The following LSAMP variants were observed in gnomAD, a reference collection of about 807,000 sequenced individuals.
The protein encoded by LSAMP is limbic system associated membrane protein, also known as limbic system-associated membrane protein.
A neutral mutation model predicts 38.6 loss-of-function variants in LSAMP; 7 were observed. The ratio of observed to expected loss-of-function variants is 0.18; its 90% CI spans 0.10 to 0.34. The LOEUF (loss-of-function observed/expected upper bound fraction) is 0.34. LSAMP is among the 10% of genes least tolerant of loss of function. The pLI, the probability that LSAMP is intolerant of heterozygous loss-of-function variation, is 1.00. For synonymous variants in LSAMP, 154 were observed against 166.8 expected (o/e 0.92, Z 0.59); for missense variants, 313 against 420.0 (o/e 0.75, Z 2.23).
At chr3:116,077,899 TC>T (rs1389391576) in intron 2 of LSAMP, among the ~76,000 whole-genome samples, 2 of 152,224 alleles carry the variant, frequency 1.3e-5, no homozygotes, top group Non-Finnish European at 2.9e-5. Context: ...CCCAATGTCG[TC>T]CTATTATTAG....
chr3:116,335,536 T>C (rs1360649897), intron 1 of LSAMP, among the ~76,000 whole-genome samples: 1 of 152,014 alleles, frequency 6.6e-6, no homozygotes, highest in Non-Finnish European at 1.5e-5. Context: ...TGGAATAGAA[T>C]AGAGAGCCCA....
At chr3:116,239,965 T>A (rs965383930) in intron 1 of LSAMP, among the ~76,000 whole-genome samples, 1 of 152,202 alleles carries the variant, frequency 6.6e-6, no homozygotes, top group Non-Finnish European at 1.5e-5. Context: ...CATTTAGCTG[T>A]CAATGGTTTC....
chr3:115,866,665 C>T (rs998379097), intron 3 of LSAMP, among the ~76,000 whole-genome samples: 2 of 152,016 alleles, frequency 1.3e-5, no homozygotes, highest in Non-Finnish European at 1.5e-5. Context: ...ATTCTGAGCT[C>T]TCTTACCCCA....
intron 1 of LSAMP, among the ~76,000 whole-genome samples, chr3:116,294,903 T>C (rs2047310408): frequency 6.6e-6 from 1 of 151,924 alleles, no homozygotes. Flanking sequence ...GCATTTATAC[T>C]GACTGCAAGC....
At chr3:116,032,062 G>C (rs191461913) in intron 2 of LSAMP, among the ~76,000 whole-genome samples, 2 of 152,206 alleles carry the variant, frequency 1.3e-5, no homozygotes, top group Non-Finnish European at 2.9e-5. Context: ...TTGGGATGGG[G>C]ATAGGGGAGA....
chr3:116,341,503 A>G (rs757603580), intron 1 of LSAMP, among the ~76,000 whole-genome samples: 1 of 152,062 alleles, frequency 6.6e-6, no homozygotes, highest in African/African-American at 2.4e-5. Context: ...CAGAGAGGAT[A>G]GTAATATGAC....
intron 1 of LSAMP, among the ~76,000 whole-genome samples, chr3:116,166,694 A>T (rs546919349): frequency 6.6e-6 from 1 of 152,262 alleles, no homozygotes; most frequent in East Asian, 1.9e-4. Flanking sequence ...ATATACATTT[A>T]GAATCCATTT....
chr3:115,824,984 C>A (rs1934362251), intron 6 of LSAMP, among the ~76,000 whole-genome samples: 1 of 152,148 alleles, frequency 6.6e-6, no homozygotes, highest in Non-Finnish European at 1.5e-5. Flanking sequence ...AATTTCTGAT[C>A]TATTTTTGAA....
intron 1 of LSAMP, among the ~76,000 whole-genome samples, chr3:116,246,698 C>T (rs116065603): frequency 1.6e-3 from 236 of 152,230 alleles, no homozygotes; most frequent in African/African-American, 5.6e-3. Context: ...AAGGGGAGGG[C>T]GTGTCATCCT....
At chr3:115,823,228 G>A (rs1357311368) in intron 6 of LSAMP, among the ~76,000 whole-genome samples, 2 of 152,222 alleles carry the variant, frequency 1.3e-5, no homozygotes, top group African/African-American at 4.8e-5. Flanking sequence ...TCCTGGAGGT[G>A]CATGAGGGAA....
At chr3:116,183,371 A>C (rs1355569762) in intron 1 of LSAMP, among the ~76,000 whole-genome samples, 1 of 151,912 alleles carries the variant, frequency 6.6e-6, no homozygotes, top group Non-Finnish European at 1.5e-5. Context: ...TACAAGTAAG[A>C]CAATGACCTT....
intron 1 of LSAMP, among the ~76,000 whole-genome samples, chr3:116,321,553 T>C (rs1278876955): frequency 6.8e-6 from 1 of 147,110 alleles, no homozygotes; most frequent in Non-Finnish European, 1.5e-5. Flanking sequence ...ATTATTCATG[T>C]TTTTTTTACG....
At chr3:115,904,373 T>C (rs1936956914) in intron 3 of LSAMP, among the ~76,000 whole-genome samples, 1 of 152,074 alleles carries the variant, frequency 6.6e-6, no homozygotes, top group Non-Finnish European at 1.5e-5. Flanking sequence ...TTATAGTAAC[T>C]TAAGAAATTG....
intron 2 of LSAMP, among the ~76,000 whole-genome samples, chr3:116,060,763 AAAAC>A (rs1217160265): frequency 1.3e-5 from 2 of 152,174 alleles, no homozygotes; most frequent in African/African-American, 2.4e-5. Context: ...TCCATCTCAA[AAAAC>A]AAACAAACAA....
chr3:116,107,658 A>C (rs901352213), intron 1 of LSAMP, among the ~76,000 whole-genome samples: 3 of 152,178 alleles, frequency 2.0e-5, no homozygotes, highest in Non-Finnish European at 4.4e-5. Flanking sequence ...GGCTTGACTG[A>C]AGTAATGGGG....
rs771245278 is a variant in LSAMP, at chr3:115,810,403, C to G, written c.931G>C (p.Val311Leu). ...CTGATGGATCCATTTATTCCTCTCA[C>G]CGACCCAGGTCCTGCAGAGCAAAAG... ...ASLVLFRPGSVRGINGSISLA... is the reference protein window; with the variant it reads ...ASLVLFRPGSLRGINGSISLA... Residue 311 changes from valine (V) to leucine (L), a missense_variant, in exon 7 of 7, where the codon GTG becomes CTG. Coordinates refer to ENST00000490035, the MANE Select transcript of LSAMP (RefSeq NM_002338.5). 1 of 1,612,790 alleles carries G rather than the reference C, an allele frequency of 6.2e-7. No individual in the cohort carries two copies. The highest frequency in any genetic ancestry group is 1.1e-5 in the South Asian group (1 of 90,842).
chr3:116,090,317 C>T lies in LSAMP; in HGVS notation c.156-3761G>A, dbSNP rs147911063. On this transcript the variant is annotated intron_variant, in intron 1 of 6. Coordinates refer to ENST00000490035, the MANE Select transcript of LSAMP (RefSeq NM_002338.5). ...TATTAAGAGATAATAACTAGTCATA[C>T]AGTGTACTGACAGACCACCTGGCTA... is the stretch of plus-strand genomic sequence containing the variant. 6.5e-3 allele frequency among the ~76,000 whole-genome samples: 984 copies of T among 152,102 alleles called. 9 individuals carry two copies. The highest frequency in any genetic ancestry group is 0.022 in the African/African-American group (931 of 41,506).
intron 2 of LSAMP, among the ~76,000 whole-genome samples, chr3:116,046,440 A>G (rs930246116): frequency 1.3e-5 from 2 of 152,242 alleles, no homozygotes; most frequent in African/African-American, 4.8e-5. Context: ...TTGCAGAGCA[A>G]TTGTTCCTGC....
chr3:116,204,372 G>C (rs1255661395), intron 1 of LSAMP, among the ~76,000 whole-genome samples: 1 of 152,118 alleles, frequency 6.6e-6, no homozygotes, highest in African/African-American at 2.4e-5. Flanking sequence ...TCTGATGGTA[G>C]TTTCTTTTGC....
Sources: allele counts gnomAD v4.1 joint callset (sites outside exome capture counted in the v4.1 genomes callset), GRCh38; gene constraint gnomAD v4.1.1; transcripts MANE v1.5; gene names NCBI Gene and HGNC (gene_info 2026-07-23, HGNC 2026-07-21).